PEBP4: variants seen among roughly 807,000 people sequenced by gnomAD.
PEBP4 encodes the protein phosphatidylethanolamine binding protein 4.
Under a neutral mutation model 23.9 loss-of-function variants are expected in PEBP4, and 22 were observed. The ratio of observed to expected loss-of-function variants is 0.92; its 90% confidence interval spans 0.66 to 1.31. The LOEUF is 1.31. PEBP4 is among the 40% of genes most tolerant of loss of function. PEBP4 has a pLI of 0.00. For synonymous variants in PEBP4, 112 were observed against 99.3 expected (o/e 1.13, Z -0.76); for missense variants, 324 against 281.7 (o/e 1.15, Z -1.07).
intron 5 of PEBP4, 55 bp downstream of exon 5, chr8:22,727,120 T>A: frequency 6.3e-7 from 1 of 1,593,568 alleles, no homozygotes; most frequent in Non-Finnish European, 8.6e-7. Context: ...TTTTGATTCC[T>A]GTGATCGTCA....
intron 3 of PEBP4, among the ~76,000 whole-genome samples, chr8:22,912,891 G>A (rs183235460): frequency 6.6e-6 from 1 of 152,276 alleles, no homozygotes; most frequent in Admixed American, 6.5e-5. Context: ...CCTTGCCTGG[G>A]TGCTGCGCGC....
intron 3 of PEBP4, among the ~76,000 whole-genome samples, chr8:22,870,073 T>G (rs950026784): frequency 7.9e-5 from 12 of 152,218 alleles, no homozygotes; most frequent in Non-Finnish European, 1.3e-4. Flanking sequence ...CTAAAGGACT[T>G]GAAAACTTAG....
chr8:22,742,837 A>G (rs1361073229), intron 4 of PEBP4, among the ~76,000 whole-genome samples: 1 of 152,152 alleles, frequency 6.6e-6, no homozygotes, highest in Admixed American at 6.5e-5. Flanking sequence ...GCCCACCTCT[A>G]TGGAGCTCCT....
intron 4 of PEBP4, among the ~76,000 whole-genome samples, chr8:22,737,770 G>T (rs543522148): frequency 6.6e-6 from 1 of 152,208 alleles, no homozygotes; most frequent in South Asian, 2.1e-4. Flanking sequence ...CTGAGTTTCC[G>T]TACCTATAAA....
chr8:22,780,360 G>C (rs189667251), intron 4 of PEBP4, among the ~76,000 whole-genome samples: 2 of 152,042 alleles, frequency 1.3e-5, no homozygotes, highest in Non-Finnish European at 2.9e-5. Context: ...GTTGTTTCTC[G>C]ACCTTTTCAA....
chr8:22,836,345 G>A (rs1384875436), intron 3 of PEBP4, among the ~76,000 whole-genome samples: 3 of 152,228 alleles, frequency 2.0e-5, no homozygotes, highest in Non-Finnish European at 4.4e-5. Context: ...TGCTCAGAGG[G>A]TAGAGGGACA....
In PEBP4 at chr8:22,879,810, C is replaced by T. The variant is rs116732247; in HGVS notation, c.258+40374G>A. Reference sequence around the variant, plus strand: ...TTATCTCTGAGATCTAAGCATTGATCGATGGGAGTTTTAATTACCAAAATT... The same window carrying T: ...TTATCTCTGAGATCTAAGCATTGATTGATGGGAGTTTTAATTACCAAAATT... On this transcript the variant is annotated intron_variant, in intron 3 of 6. Coordinates refer to ENST00000256404, the MANE Select transcript of PEBP4 (RefSeq NM_144962.3). 8.4e-3 allele frequency among the ~76,000 whole-genome samples: 1,286 copies of T among 152,218 alleles called. 13 individuals are homozygous for T. The highest frequency in any genetic ancestry group is 0.029 in the African/African-American group (1,208 of 41,530).
intron 3 of PEBP4, among the ~76,000 whole-genome samples, chr8:22,898,389 CCCAAAAAAAAAAAAAAAAAAAAAAAA>C (rs1808635166): frequency 5.8e-5 from 5 of 86,688 alleles, no homozygotes; most frequent in Admixed American, 1.4e-4. Flanking sequence ...AAGACTCCAC[CCCAAAAAAAAAAAAAAAAAAAAAAAA>C]AAAAAAAAAA....
intron 3 of PEBP4, among the ~76,000 whole-genome samples, chr8:22,838,146 T>C (rs1807245903): frequency 1.3e-5 from 2 of 152,050 alleles, no homozygotes; most frequent in Admixed American, 1.3e-4. Context: ...AGCGATCCTC[T>C]CACCTTGGCC....
At chr8:22,812,232 C>T (rs1806646445) in intron 4 of PEBP4, among the ~76,000 whole-genome samples, 1 of 152,152 alleles carries the variant, frequency 6.6e-6, no homozygotes. Context: ...GCATGTGCTA[C>T]CCACATAACT....
intron 4 of PEBP4, among the ~76,000 whole-genome samples, chr8:22,751,531 A>T (rs1447967337): frequency 6.6e-6 from 1 of 151,978 alleles, no homozygotes; most frequent in African/African-American, 2.4e-5. Context: ...GAGAGGCCCC[A>T]AATCATTGCT....
chr8:22,923,977 C>T (rs1174384524), intron 2 of PEBP4, among the ~76,000 whole-genome samples: 2 of 152,158 alleles, frequency 1.3e-5, no homozygotes, highest in African/African-American at 4.8e-5. Context: ...GGTAGCTGAA[C>T]AGACTAAGAC....
At chr8:22,782,088 G>A (rs1805929137) in intron 4 of PEBP4, among the ~76,000 whole-genome samples, 2 of 152,198 alleles carry the variant, frequency 1.3e-5, no homozygotes, top group African/African-American at 4.8e-5. Flanking sequence ...AGCCTTGACT[G>A]GACAGAGGTG....
At chr8:22,790,417 C>T (rs1333146486) in intron 4 of PEBP4, among the ~76,000 whole-genome samples, 1 of 152,162 alleles carries the variant, frequency 6.6e-6, no homozygotes, top group Non-Finnish European at 1.5e-5. Flanking sequence ...GACCAGGAAG[C>T]CTGCTTACAT....
chr8:22,903,473 A>AG (rs1183065479), intron 3 of PEBP4, among the ~76,000 whole-genome samples: 2 of 152,192 alleles, frequency 1.3e-5, no homozygotes, highest in African/African-American at 2.4e-5. Context: ...AACACAACTG[A>AG]GGTTCAAATG....
intron 4 of PEBP4, among the ~76,000 whole-genome samples, chr8:22,733,273 G>A (rs914065218): frequency 3.3e-5 from 5 of 152,212 alleles, no homozygotes; most frequent in Admixed American, 6.5e-5. Context: ...GTCCAAGTCC[G>A]TGGGCGCCCT....
At chr8:22,741,403 T>C (rs540954238) in intron 4 of PEBP4, among the ~76,000 whole-genome samples, 46 of 152,322 alleles carry the variant, frequency 3.0e-4, no homozygotes, top group African/African-American at 1.1e-3. Context: ...GCCCAGGGCT[T>C]GTTCTCATTC....
intron 1 of PEBP4, among the ~76,000 whole-genome samples, chr8:22,940,289 T>C (rs539081252): frequency 6.6e-6 from 1 of 152,266 alleles, no homozygotes; most frequent in East Asian, 1.9e-4. Context: ...CTGAAATCAG[T>C]GAGGCTCATC....
In PEBP4 at chr8:22,778,644, G is replaced by A. The variant is rs937758933; in HGVS notation, c.357+38993C>T. On this transcript the variant is annotated intron_variant, in intron 4 of 6. Coordinates refer to ENST00000256404, the MANE Select transcript of PEBP4 (RefSeq NM_144962.3). ...GGAACGAGGCTTCTGCTGATGGAGC[G>A]GGCCTGGGGCCACCCTGTGGACTGG... Among the ~76,000 whole-genome samples the A allele has an allele frequency of 3.9e-5, 6 of 152,238 alleles. No individual in the cohort carries two copies. In the South Asian group the frequency reaches 1.0e-3, roughly 26 times the overall value.
Sources: gnomAD v4.1 joint callset for allele counts (sites outside exome capture counted in the v4.1 genomes callset) on GRCh38, gnomAD v4.1.1 for gene constraint, MANE v1.5 for transcripts, NCBI Gene and HGNC (gene_info 2026-07-23, HGNC 2026-07-21) for gene names.